BRD1: variants seen among roughly 807,000 people sequenced by gnomAD.
BRD1 encodes bromodomain containing 1.
In BRD1, 24 loss-of-function variants were observed where a neutral mutation model predicts 107.7. The observed-to-expected ratio is 0.22, with a 90% CI of 0.16 to 0.31. The LOEUF (loss-of-function observed/expected upper bound fraction) is 0.31. BRD1 is among the 10% of genes least tolerant of loss of function. BRD1 has a pLI of 1.00. For missense variants in BRD1, 1,279 were observed against 1,638.6 expected (o/e 0.78, Z 3.79); for synonymous variants, 744 against 686.1 (o/e 1.08, Z -1.32).
In BRD1 at chr22:49,783,801, G is replaced by A. The variant is rs948827876; in HGVS notation, c.2857+3589C>T. 2.0e-5 allele frequency among the ~76,000 whole-genome samples: 3 copies of A among 152,228 alleles called. No individual in the cohort carries two copies. The highest frequency in any genetic ancestry group is 6.5e-5 in the Admixed American group (1 of 15,280). ...CTGCTGTTTGTGATTTTGTCTAGAGGATGTTTGAGCTGATGATTCCAATGT... is the reference window on the plus strand; with the variant it reads ...CTGCTGTTTGTGATTTTGTCTAGAGAATGTTTGAGCTGATGATTCCAATGT... On this transcript the variant is annotated intron_variant, in intron 8 of 12. Coordinates refer to ENST00000404760, the MANE Select transcript of BRD1 (RefSeq NM_001304808.3). The surrounding 1 kb of genome is among the most constrained non-coding windows in gnomAD (Gnocchi z 4.2).
intron 6 of BRD1, among the ~76,000 whole-genome samples, chr22:49,796,282 G>A (rs1405784359): frequency 1.3e-5 from 2 of 151,908 alleles, no homozygotes; most frequent in East Asian, 3.9e-4. Flanking sequence ...TTTTAGTACA[G>A]ACAGGGTTTC....
At position 49,797,887 on chromosome 22, in the gene BRD1, G is replaced by A; in HGVS notation, c.2016C>T (p.Ser672=). 6.2e-7 allele frequency: 1 copy of A among 1,613,930 alleles called. No individual in the cohort carries two copies. Among genetic ancestry groups the A allele is most frequent in the Non-Finnish European group, 8.5e-7 (1 of 1,180,034 alleles). ...TCCCCGAGGCCTCTTCCAAGCCGAT[G>A]CTGTCCACCTCGCGCCGGGCCTGCC... ...VLRQARREVD[S]IGLEEASGMH... Residue 672 remains serine (S), a synonymous_variant, in exon 6 of 13, where the codon AGC becomes AGT. Transcript: ENST00000404760.
At chr22:49,799,230 G>A (rs1038405444) in intron 3 of BRD1, 111 bp from the exon 4 acceptor site, 7 of 1,427,996 alleles carry the variant, frequency 4.9e-6, no homozygotes, top group Non-Finnish European at 6.6e-6. Flanking sequence ...GGGTCCTGCA[G>A]GCCCATCCTG....
chr22:49,788,307 G>T (rs2059368226), intron 7 of BRD1, among the ~76,000 whole-genome samples: 1 of 152,112 alleles, frequency 6.6e-6, no homozygotes, highest in East Asian at 1.9e-4. Context: ...CAAATAAAAG[G>T]AAGGCAACAT....
intron 7 of BRD1, among the ~76,000 whole-genome samples, chr22:49,793,526 C>T (rs760531098): frequency 2.6e-5 from 4 of 152,244 alleles, no homozygotes; most frequent in Non-Finnish European, 5.9e-5. Context: ...GACAAGGCCT[C>T]TGCAGGTACC....
intron 6 of BRD1, among the ~76,000 whole-genome samples, chr22:49,795,109 T>G (rs1320997426): frequency 6.6e-6 from 1 of 152,156 alleles, no homozygotes; most frequent in East Asian, 1.9e-4. Context: ...AATAAAGTAG[T>G]AGAGAGAAAC....
rs1181914195 is a variant in BRD1, at chr22:49,777,671, T to C, written c.2993+7A>G. ...CGTGGTGGGAAGCGCAGGGCCGCGGTGCCCACCTCGAGTCGCAGAGCGGGC... is the reference window on the plus strand; with the variant it reads ...CGTGGTGGGAAGCGCAGGGCCGCGGCGCCCACCTCGAGTCGCAGAGCGGGC... On this transcript the variant is annotated splice_region_variant and intron_variant, in intron 9 of 12. Coordinates refer to ENST00000404760, the MANE Select transcript of BRD1 (RefSeq NM_001304808.3). 2 of 1,603,756 alleles carry C rather than the reference T, an allele frequency of 1.2e-6. No individual in the cohort carries two copies. The highest frequency in any genetic ancestry group is 1.3e-5 in the African/African-American group (1 of 74,950).
intron 2 of BRD1, among the ~76,000 whole-genome samples, chr22:49,821,644 G>A (rs755272407): frequency 3.3e-5 from 5 of 150,540 alleles, no homozygotes; most frequent in Non-Finnish European, 2.9e-5. Context: ...ACTCTGTCAC[G>A]CAGGCTGCGG....
At chr22:49,786,440 G>A (rs953515630) in intron 8 of BRD1, among the ~76,000 whole-genome samples, 7 of 152,196 alleles carry the variant, frequency 4.6e-5, no homozygotes, top group Admixed American at 1.3e-4. Flanking sequence ...CACCCTCACC[G>A]AGGAATTCAA....
At position 49,787,592 on chromosome 22, in the gene BRD1, G is replaced by T; in HGVS notation, c.2655C>A (p.Phe885Leu). 6.4e-7 allele frequency: 1 copy of T among 1,557,464 alleles called. No individual in the cohort carries two copies. Among genetic ancestry groups the T allele is most frequent in the Non-Finnish European group, 8.7e-7 (1 of 1,150,224 alleles). The change falls in exon 8 of 13, where the codon TTC becomes TTA. Residue 885 changes from phenylalanine to leucine, a missense_variant. Phe to Leu is a conservative substitution (Grantham distance 22). Coordinates refer to ENST00000404760, the MANE Select transcript of BRD1 (RefSeq NM_001304808.3). The stretch of plus-strand genomic sequence containing the variant: ...GGGGGCTTACACTTTTCGATTTGCA[G>T]AAGAGAACAGAAGTGCGTCTGTTTA... ...SDVNRRTSVL[F>L]CKSKSVSPPK...
chr22:49,807,161 G>T (rs538895879), intron 2 of BRD1: 7 of 152,142 alleles, frequency 4.6e-5, no homozygotes, highest in Non-Finnish European at 8.8e-5. Flanking sequence ...ACTAGGGAAC[G>T]TATGGATAGG....
chr22:49,819,320 G>A (rs1280006146), intron 2 of BRD1, among the ~76,000 whole-genome samples: 1 of 151,878 alleles, frequency 6.6e-6, no homozygotes, highest in African/African-American at 2.4e-5. Context: ...GGCCAGGCAT[G>A]GTGGCTCACG....
chr22:49,799,203 A>G, intron 3 of BRD1, 84 bp from the exon 4 acceptor site: 1 of 1,530,212 alleles, frequency 6.5e-7, no homozygotes, highest in Non-Finnish European at 8.8e-7. Flanking sequence ...TGAGACCCCA[A>G]GAGGCATCCA....
At chr22:49,825,890 A>C (rs538288325) in intron 1 of BRD1, 2 of 152,248 alleles carry the variant, frequency 1.3e-5, no homozygotes, top group Non-Finnish European at 2.9e-5. Flanking sequence ...TTGTATGTTG[A>C]AACTAGATTG....
chr22:49,822,537 G>A (rs1034274708), intron 2 of BRD1, among the ~76,000 whole-genome samples: 3 of 150,986 alleles, frequency 2.0e-5, no homozygotes, highest in Non-Finnish European at 4.4e-5. Context: ...GTGAAACCCC[G>A]TCTCTACTTA....
Position 49,818,291 on chromosome 22 carries a change from C to G in BRD1, c.1367+4660G>C, listed in dbSNP as rs74378592. On this transcript the variant is annotated intron_variant, in intron 2 of 12. Transcript: ENST00000404760. ...AGTAGAGGAGCTCCTCCTAGAAGAT[C>G]TGAAGCAGTCAAAGGAACCAAACCG... is the stretch of plus-strand genomic sequence containing the variant. The G allele has an allele frequency of 2.2e-4, 279 of 1,279,080 alleles. 5 individuals are homozygous for G. The East Asian group carries it at 0.015, about 67-fold the overall frequency. 79.2% of individuals were successfully genotyped at this position (1,279,080 alleles called of 1,614,324 possible).
rs2059578486 is a variant in BRD1 at position 49,798,506 on chromosome 22, C to G, written c.1785+52G>C. 1.2e-6 allele frequency: 2 copies of G among 1,613,956 alleles called. 1 individual carries two copies. The highest frequency in any genetic ancestry group is 2.2e-5 in the South Asian group (2 of 91,032). ...CACGTTTCCCGGTCAAACGGCAGCA[C>G]AAATCCACAGTCACACATGCGGCAG... On this transcript the variant is annotated intron_variant, in intron 5 of 12. Transcript: ENST00000404760.
At chr22:49,791,899 G>A (rs374377373) in intron 7 of BRD1, among the ~76,000 whole-genome samples, 3 of 152,114 alleles carry the variant, frequency 2.0e-5, no homozygotes, top group East Asian at 3.8e-4. Flanking sequence ...CAGGTGATTC[G>A]AGGCCACCTG....
rs757174022 is a variant in BRD1 at position 49,798,655 on chromosome 22, C to T, written c.1688G>A (p.Arg563Gln). 54 of 1,612,168 alleles carry T rather than the reference C, an allele frequency of 3.3e-5. No homozygotes were observed. The highest frequency in any genetic ancestry group is 1.3e-4 in the Admixed American group (8 of 59,872). ...CAGCAGCACCGTCAGCGGGGTCAGC[C>T]GCAGCTCCATGGCGACCTGCTCCAC... ...VKVEQVAMEL[R>Q]LTPLTVLLRS... The change falls in exon 5 of 13, where the codon CGG becomes CAG. Residue 563 changes from arginine to glutamine, a missense_variant. Around this residue, in one of 7 missense-constraint regions of BRD1, gnomAD observed 406 missense variants for 519.4 expected, o/e 0.78. Coordinates refer to ENST00000404760, the MANE Select transcript of BRD1 (RefSeq NM_001304808.3).
Sources: gnomAD v4.1 joint callset for allele counts (sites outside exome capture counted in the v4.1 genomes callset) on GRCh38, gnomAD v4.1.1 for gene constraint, gnomAD v4.1.1 regional missense constraint, Gnocchi (gnomAD v3.1) non-coding constraint, MANE v1.5 for transcripts, NCBI Gene and HGNC (gene_info 2026-07-23, HGNC 2026-07-21) for gene names.